The following KLB variants were observed in gnomAD, a reference collection of about 807,000 sequenced individuals.
The protein encoded by KLB is beta-klotho.
KLB carries 44 observed loss-of-function variants against 88.4 expected under a neutral mutation model. The ratio of observed to expected loss-of-function variants is 0.50; its 90% CI spans 0.39 to 0.64. The LOEUF (loss-of-function observed/expected upper bound fraction) is 0.64. Among genes scored for constraint, KLB ranks in the 30% least tolerant of loss-of-function variants. The pLI, the probability that KLB is intolerant of heterozygous loss-of-function variation, is 0.00. For missense variants in KLB, 1,137 were observed against 1,304.8 expected (o/e 0.87, Z 1.98); for synonymous variants, 548 against 513.4 (o/e 1.07, Z -0.91).
intron 3 of KLB, among the ~76,000 whole-genome samples, chr4:39,439,732 A>G (rs995226232): frequency 1.3e-5 from 2 of 151,530 alleles, no homozygotes; most frequent in African/African-American, 4.9e-5. Flanking sequence ...CAATGGTGCA[A>G]TCTTGGCTCA....
intron 3 of KLB, among the ~76,000 whole-genome samples, chr4:39,445,820 C>A (rs1743732701): frequency 6.6e-6 from 1 of 151,828 alleles, no homozygotes; most frequent in Non-Finnish European, 1.5e-5. Context: ...CCGCGCCCGG[C>A]CTGGATTTTT....
intron 1 of KLB, among the ~76,000 whole-genome samples, chr4:39,428,646 A>G (rs1743272535): frequency 6.6e-6 from 1 of 152,226 alleles, no homozygotes; most frequent in South Asian, 2.1e-4. Flanking sequence ...GATATTCTGA[A>G]AACCAAAAAC....
intron 1 of KLB, among the ~76,000 whole-genome samples, chr4:39,411,307 G>GT (rs755671787): frequency 2.6e-4 from 34 of 128,804 alleles, no homozygotes; most frequent in African/African-American, 9.1e-4. Flanking sequence ...CAAAACTAAG[G>GT]TTTTTTTTGT....
In KLB at chr4:39,425,947, G is replaced by A. The variant is rs1057439920; in HGVS notation, c.826-8263G>A. ...AGCCTGGCCAACATGGTGAAACCCC[G>A]TCTCTACTAAAAACACAAAAACTAG... is the stretch of plus-strand genomic sequence containing the variant. On this transcript the variant is annotated intron_variant, in intron 1 of 4. Transcript: ENST00000257408. Among the ~76,000 whole-genome samples the A allele has an allele frequency of 2.5e-4, 37 of 149,334 alleles. 1 individual carries two copies. Among genetic ancestry groups the A allele is most frequent in the African/African-American group, 6.4e-4 (26 of 40,526 alleles).
In KLB at chr4:39,437,914, T is replaced by A; in HGVS notation, c.1524T>A (p.Phe508Leu). Residue 508 changes from phenylalanine (F) to leucine (L), a missense_variant, in exon 3 of 5, where the codon TTT becomes TTA. Coordinates refer to ENST00000257408, the MANE Select transcript of KLB (RefSeq NM_175737.4). ...YYKQIIRENG[F>L]SLKESTPDVQ... is the part of the protein sequence containing the mutation. ...AACAGATCATACGAGAAAATGGTTT[T>A]TCTTTAAAAGAGTCCACGCCAGATG... The A allele has an allele frequency of 6.2e-7, 1 of 1,614,244 alleles. No individual in the cohort carries two copies.
rs185739577 is a variant in KLB, at chr4:39,446,238, G to C, written c.1606-94G>C. On this transcript the variant is annotated intron_variant, in intron 3 of 4. Coordinates refer to ENST00000257408, the MANE Select transcript of KLB (RefSeq NM_175737.4). The surrounding 1 kb of genome is among the most constrained non-coding windows in gnomAD (Gnocchi z 6.4). ...TGGAATAGGCCTGGCGTGGTGGCCT[G>C]TAATCCCAGCACTTTGGGAGGCAGA... 180 of 1,196,254 alleles carry C rather than the reference G, an allele frequency of 1.5e-4. 2 individuals carry two copies. The Admixed American group carries it at 3.7e-3, about 25-fold the overall frequency. The allele number at this position is 1,196,254 out of a possible 1,614,324, so 74.1% of individuals were successfully genotyped here.
At chr4:39,442,902 A>T (rs928922237) in intron 3 of KLB, among the ~76,000 whole-genome samples, 1 of 152,180 alleles carries the variant, frequency 6.6e-6, no homozygotes, top group East Asian at 1.9e-4. Context: ...AATTTTTTTA[A>T]TGTTCCAAAA....
chr4:39,407,048 G>T lies in KLB; in HGVS notation c.99G>T (p.Gly33=). The change falls in exon 1 of 5, where the codon GGG becomes GGT. Residue 33 remains glycine (G), a synonymous_variant. Transcript: ENST00000257408. ...GCTATAGGAATACAATGTCCAACGG[G>T]GGATTGCAAAGATCTGTCATCCTGT... is the stretch of plus-strand genomic sequence containing the variant. ...TTRYRNTMSN[G]GLQRSVILSA... is the part of the protein sequence containing the mutation. 6.2e-7 allele frequency: 1 copy of T among 1,613,988 alleles called. No homozygotes were observed.
intron 1 of KLB, among the ~76,000 whole-genome samples, chr4:39,433,737 G>A (rs1209758030): frequency 6.6e-6 from 1 of 152,110 alleles, no homozygotes; most frequent in African/African-American, 2.4e-5. Flanking sequence ...GTGTGCACCT[G>A]TAATCCCAGC....
intron 1 of KLB, among the ~76,000 whole-genome samples, chr4:39,410,265 CAT>C (rs1357446214): frequency 6.6e-6 from 1 of 152,150 alleles, no homozygotes; most frequent in African/African-American, 2.4e-5. Context: ...TGCTTCCAAA[CAT>C]AGTTGATAAA....
intron 1 of KLB, among the ~76,000 whole-genome samples, chr4:39,422,759 G>T (rs944241289): frequency 7.1e-6 from 1 of 140,436 alleles, no homozygotes; most frequent in Non-Finnish European, 1.6e-5. Flanking sequence ...TGTCCTTTCA[G>T]TCTAACTTTT....
chr4:39,428,525 A>G lies in KLB; in HGVS notation c.826-5685A>G, dbSNP rs1369612453. On this transcript the variant is annotated intron_variant, in intron 1 of 4. Transcript: ENST00000257408. ...AAATAAATTAAAGGTTATATGCCCAAAGTTAGCTATTGAAACATTTATGAC... is the reference window on the plus strand; with the variant it reads ...AAATAAATTAAAGGTTATATGCCCAGAGTTAGCTATTGAAACATTTATGAC... Among the ~76,000 whole-genome samples the G allele has an allele frequency of 2.6e-5, 4 of 152,184 alleles. No homozygotes were observed. In the South Asian group the frequency reaches 8.3e-4, roughly 31 times the overall value.
intron 1 of KLB, among the ~76,000 whole-genome samples, chr4:39,421,702 C>T (rs1209436449): frequency 2.6e-5 from 4 of 151,938 alleles, no homozygotes; most frequent in South Asian, 2.1e-4. Context: ...TTGCTGTGAG[C>T]AGAGATCCTG....
At chr4:39,447,840 G>C (rs537451239) in intron 4 of KLB, among the ~76,000 whole-genome samples, 87 of 152,294 alleles carry the variant, frequency 5.7e-4, no homozygotes, top group Non-Finnish European at 9.1e-4. Flanking sequence ...TGCATGAAAT[G>C]TTTCGATACA....
At chr4:39,414,304 GAAAA>G (rs10582036) in intron 1 of KLB, among the ~76,000 whole-genome samples, 7 of 137,762 alleles carry the variant, frequency 5.1e-5, no homozygotes, top group East Asian at 4.3e-4. Flanking sequence ...ACTGTTTTTA[GAAAA>G]AAAAAAAAAA....
At chr4:39,420,591 C>A (rs1743060615) in intron 1 of KLB, among the ~76,000 whole-genome samples, 1 of 152,070 alleles carries the variant, frequency 6.6e-6, no homozygotes, top group African/African-American at 2.4e-5. Flanking sequence ...GTGGCATGAT[C>A]ATGGCTCACT....
At chr4:39,412,175 C>T (rs910807287) in intron 1 of KLB, among the ~76,000 whole-genome samples, 3 of 151,796 alleles carry the variant, frequency 2.0e-5, no homozygotes, top group South Asian at 2.1e-4. Context: ...ACAATTCATC[C>T]GTGTAACCAA....
chr4:39,417,048 T>C (rs1419372365), intron 1 of KLB, among the ~76,000 whole-genome samples: 1 of 152,120 alleles, frequency 6.6e-6, no homozygotes, highest in African/African-American at 2.4e-5. Flanking sequence ...CTTGGTTATA[T>C]AGAAGCAAAA....
At chr4:39,434,953 T>C (rs1489937723) in intron 2 of KLB, among the ~76,000 whole-genome samples, 12 of 144,636 alleles carry the variant, frequency 8.3e-5, no homozygotes, top group Non-Finnish European at 1.5e-4. Flanking sequence ...ATTACAGGTG[T>C]CCACCACCAC....
Sources: allele counts gnomAD v4.1 joint callset (sites outside exome capture counted in the v4.1 genomes callset), GRCh38; gene constraint gnomAD v4.1.1; non-coding constraint Gnocchi (gnomAD v3.1); transcripts MANE v1.5; gene names NCBI Gene and HGNC (gene_info 2026-07-23, HGNC 2026-07-21).